The following UGDH variants were observed in gnomAD, a reference collection of about 807,000 sequenced individuals.
The protein encoded by UGDH is UDP-Glc dehydrogenase.
UGDH carries 38 observed loss-of-function variants against 50.6 expected under a neutral mutation model. The observed-to-expected ratio is 0.75, with a 90% confidence interval of 0.58 to 0.98. The LOEUF is 0.98. Ranked by LOEUF, UGDH falls within the 50% of genes least tolerant of loss-of-function variation. The pLI is 0.00. For missense variants in UGDH, 465 were observed against 606.2 expected, an observed-to-expected ratio of 0.77 and a Z score of 2.45; for synonymous variants, 168 against 199.9, an observed-to-expected ratio of 0.84 and a Z score of 1.35.
At position 39,527,318 on chromosome 4, in the gene UGDH, T is replaced by A. The variant is rs13127236; in HGVS notation, c.-43A>T. ...GCAGCAAGCGCAGGGACCGCTCCTATCCCGATCGTTCGGACAGCACCTTCC... is the reference window on the plus strand; with the variant it reads ...GCAGCAAGCGCAGGGACCGCTCCTAACCCGATCGTTCGGACAGCACCTTCC... On this transcript the variant is annotated 5_prime_UTR_variant, in exon 1 of 12. Coordinates refer to ENST00000316423, the MANE Select transcript of UGDH (RefSeq NM_003359.4). 0.4 allele frequency: 134,322 copies of A among 338,752 alleles called. 29,437 individuals carry two copies. The highest frequency in any genetic ancestry group is 0.46 in the Non-Finnish European group (80,005 of 172,694). The allele number at this position is 338,752 out of a possible 1,614,324, so 21.0% of individuals were successfully genotyped here.
In UGDH at chr4:39,504,273, A is replaced by G. The variant is rs182009661; in HGVS notation, c.1263+144T>C. On this transcript the variant is annotated intron_variant, in intron 10 of 11. Coordinates refer to ENST00000316423, the MANE Select transcript of UGDH (RefSeq NM_003359.4). ...CAGTGAGCCGAGATTGCGCCACTGC[A>G]CTCCAGCCAGGGCGACAGAGCGAGA... 8 of 718,460 alleles carry G rather than the reference A, an allele frequency of 1.1e-5. No individual in the cohort carries two copies. The African/African-American group carries it at 1.4e-4, about 13-fold the overall frequency. The allele number at this position is 718,460 out of a possible 1,614,324, so 44.5% of individuals were successfully genotyped here.
In UGDH at chr4:39,503,984, T is replaced by G; in HGVS notation, c.1265A>C (p.Glu422Ala). Residue 422 changes from glutamate to alanine, a missense_variant and splice_region_variant, in exon 11 of 12, where the codon GAA (glutamate) becomes GCA (alanine). Transcript: ENST00000316423. The part of the protein sequence containing the change: ...VICTEWDMFK[E>A]LDYERIHKKM... ...TTTATGAATGCGTTCATAATCCAAT[T>G]CCTGTAAAGACAAACCACAGGAACA... The G allele has an allele frequency of 6.2e-7, 1 of 1,613,534 alleles. No individual in the cohort carries two copies. Among genetic ancestry groups the G allele is most frequent in the Non-Finnish European group, 8.5e-7 (1 of 1,179,572 alleles).
chr4:39,520,619 C>T (rs1746612517), intron 2 of UGDH, among the ~76,000 whole-genome samples: 1 of 151,774 alleles, frequency 6.6e-6, no homozygotes, highest in South Asian at 2.1e-4. Flanking sequence ...ATGAAAGATG[C>T]CATTTGTCCA....
chr4:39,511,243 C>A (rs1746232740), intron 3 of UGDH, among the ~76,000 whole-genome samples: 1 of 150,962 alleles, frequency 6.6e-6, no homozygotes, highest in African/African-American at 2.5e-5. Flanking sequence ...TTATTATAGT[C>A]CTTAAAAATA....
Position 39,499,929 on chromosome 4 carries a change from C to T in UGDH, c.*214G>A, listed in dbSNP as rs58958665. ...CCTGTAGTCCCAGCTACTTGGGAGG[C>T]TGAGCCAGGAGAATGGCGTGAACCT... On this transcript the variant is annotated 3_prime_UTR_variant, in exon 12 of 12. Transcript: ENST00000316423. 0.42 allele frequency: 143,591 copies of T among 338,236 alleles called. 34,567 individuals are homozygous for T. The highest frequency in any genetic ancestry group is 0.49 in the Non-Finnish European group (91,199 of 185,800). 21.0% of individuals were successfully genotyped at this position (338,236 alleles called of 1,614,324 possible).
At chr4:39,524,791 G>A (rs981016010) in intron 1 of UGDH, among the ~76,000 whole-genome samples, 10 of 152,132 alleles carry the variant, frequency 6.6e-5, no homozygotes, top group Non-Finnish European at 1.2e-4. Flanking sequence ...TTACAGGTGT[G>A]AGCCATCGCA....
intron 1 of UGDH, 87 bp downstream of exon 1, chr4:39,527,196 A>G: frequency 8.6e-7 from 1 of 1,161,588 alleles, no homozygotes. Context: ...AGCAGCGCGC[A>G]CACCCCAGCC....
chr4:39,514,078 C>G lies in UGDH; in HGVS notation c.264+5G>C, dbSNP rs1300231414. On this transcript the variant is annotated splice_donor_5th_base_variant and intron_variant, in intron 3 of 11. Coordinates refer to ENST00000316423, the MANE Select transcript of UGDH (RefSeq NM_003359.4). ...AAAATTCACACAACAAAGGAAAATA[C>G]TTACAGAAATAAATACAAGATCAGC... The G allele has an allele frequency of 6.4e-7, 1 of 1,574,776 alleles. No homozygotes were observed. The highest frequency in any genetic ancestry group is 8.6e-7 in the Non-Finnish European group (1 of 1,160,986).
chr4:39,500,695 C>T (rs1397302957), intron 11 of UGDH, among the ~76,000 whole-genome samples: 2 of 143,006 alleles, frequency 1.4e-5, no homozygotes, highest in Non-Finnish European at 3.0e-5. Flanking sequence ...CTTGCTCTAT[C>T]GCCTAGGCTG....
At chr4:39,524,849 TC>T (rs1421131987) in intron 1 of UGDH, among the ~76,000 whole-genome samples, 1 of 152,194 alleles carries the variant, frequency 6.6e-6, no homozygotes, top group Non-Finnish European at 1.5e-5. Flanking sequence ...TCAGCATGTT[TC>T]CCCAGAGTTA....
At chr4:39,505,904 T>TA (rs11290546) in intron 7 of UGDH, among the ~76,000 whole-genome samples, 156 bp from the exon 8 acceptor site, 21,259 of 144,292 alleles carry the variant, frequency 0.15, 3,141 homozygotes, top group African/African-American at 0.38. Flanking sequence ...GCCTATGGAT[T>TA]AAAAAAAAAA....
intron 7 of UGDH, among the ~76,000 whole-genome samples, chr4:39,506,233 TAA>T (rs373456890): frequency 2.3e-5 from 3 of 131,096 alleles, no homozygotes; most frequent in Non-Finnish European, 3.1e-5. Context: ...GCCGTAAATT[TAA>T]AAAAAAAAAA....
intron 7 of UGDH, 122 bp from the exon 8 acceptor site, chr4:39,505,870 G>T: frequency 9.7e-7 from 1 of 1,027,276 alleles, no homozygotes; most frequent in Non-Finnish European, 1.3e-6. Context: ...ATTAACAAGA[G>T]GCAAAAATTA....
At chr4:39,501,557 G>C (rs1745820116) in intron 11 of UGDH, among the ~76,000 whole-genome samples, 1 of 152,170 alleles carries the variant, frequency 6.6e-6, no homozygotes, top group South Asian at 2.1e-4. Context: ...ACAGGCGTGA[G>C]CCACCGCACC....
intron 3 of UGDH, among the ~76,000 whole-genome samples, chr4:39,512,978 C>T (rs893588960): frequency 2.6e-5 from 4 of 152,010 alleles, no homozygotes; most frequent in Admixed American, 6.6e-5. Flanking sequence ...TACAGCACCA[C>T]GGCCAGCTAA....
intron 7 of UGDH, among the ~76,000 whole-genome samples, chr4:39,507,438 T>G (rs1326021456): frequency 2.6e-5 from 4 of 152,028 alleles, no homozygotes; most frequent in African/African-American, 9.7e-5. Context: ...TAGGCTGGAG[T>G]GCAGTGACAC....
At chr4:39,523,870 G>C (rs2109950073) in intron 1 of UGDH, among the ~76,000 whole-genome samples, 1 of 151,408 alleles carries the variant, frequency 6.6e-6, no homozygotes, top group African/African-American at 2.4e-5. Flanking sequence ...TAAATCTGTT[G>C]TAACAAGGTA....
chr4:39,500,283 A>G, intron 11 of UGDH, 30 bp from the exon 12 acceptor site: 1 of 1,356,240 alleles, frequency 7.4e-7, no homozygotes, highest in Non-Finnish European at 1.0e-6. Flanking sequence ...TAAGAGAACT[A>G]TTAACAATTA....
intron 8 of UGDH, 101 bp downstream of exon 8, chr4:39,505,517 T>C (rs1279450617): frequency 4.4e-6 from 5 of 1,131,490 alleles, no homozygotes; most frequent in Non-Finnish European, 5.8e-6. Context: ...TTATATTTTA[T>C]ATATATACAT....
Sources: allele counts gnomAD v4.1 joint callset (sites outside exome capture counted in the v4.1 genomes callset), GRCh38; gene constraint gnomAD v4.1.1; transcripts MANE v1.5; gene names NCBI Gene and HGNC (gene_info 2026-07-23, HGNC 2026-07-21).